Variants in ZBTB45 observed in about 807,000 individuals in gnomAD.
ZBTB45 encodes the protein zinc finger and BTB domain-containing protein 45.
Under a neutral mutation model 28.4 loss-of-function variants are expected in ZBTB45, and 22 were observed. The observed-to-expected ratio is 0.77, with a 90% CI of 0.55 to 1.10. The LOEUF (loss-of-function observed/expected upper bound fraction) is 1.10. Ranked by LOEUF, ZBTB45 falls within the 50% of genes least tolerant of loss-of-function variation. ZBTB45 has a pLI of 0.00. For missense variants in ZBTB45, 656 were observed against 750.2 expected, an observed-to-expected ratio of 0.87 and a Z score of 1.47; for synonymous variants, 361 against 332.3, an observed-to-expected ratio of 1.09 and a Z score of -0.94.
upstream of ZBTB45, chr19:58,520,031 G>C (rs2053565280): frequency 6.6e-6 from 1 of 152,324 alleles, no homozygotes; most frequent in Non-Finnish European, 1.5e-5. Context: ...AGGAGATCAG[G>C]GGTGTGGCGG....
Position 58,516,752 on chromosome 19 carries a change from C to T in ZBTB45, c.922G>A (p.Val308Ile). ...VPEGCPTETP[V>I]QPDCILSGSR... is the part of the protein sequence containing the mutation. ...CCAGACAGTATGCAGTCGGGCTGGA[C>T]AGGGGTCTCAGTGGGACAGCCTTCG... The change falls in exon 2 of 3, where the codon GTC becomes ATC. Residue 308 changes from valine (V) to isoleucine (I), a missense_variant. By Grantham distance (29) the Val-to-Ile change is conservative. Transcript: ENST00000594051. This position sits in a 1 kb window ranked among gnomAD's most constrained non-coding sequence, Gnocchi z 6.2. The T allele has an allele frequency of 6.2e-7, 1 of 1,612,830 alleles. No individual in the cohort carries two copies. Among genetic ancestry groups the T allele is most frequent in the Non-Finnish European group, 8.5e-7 (1 of 1,179,418 alleles).
At position 58,514,149 on chromosome 19, in the gene ZBTB45, G is replaced by A; in HGVS notation, c.1441C>T (p.His481Tyr). 6.2e-7 allele frequency: 1 copy of A among 1,608,116 alleles called. No homozygotes were observed. The highest frequency in any genetic ancestry group is 8.5e-7 in the Non-Finnish European group (1 of 1,177,578). The change falls in exon 3 of 3, where the codon CAC becomes TAC. Residue 481 changes from histidine (H) to tyrosine (Y), a missense_variant. This residue lies in a region of ZBTB45 where 103 missense variants were observed against 153.5 expected (regional missense o/e 0.67). Transcript: ENST00000594051. ...KSSLNVHMRTHRPERAPCPAC... is the reference protein window; with the variant it reads ...KSSLNVHMRTYRPERAPCPAC... ...GGGCAGGGCGCGCGCTCGGGCCGGTGAGTGCGCATGTGCACGTTGAGCGAG... is the reference window on the plus strand; with the variant it reads ...GGGCAGGGCGCGCGCTCGGGCCGGTAAGTGCGCATGTGCACGTTGAGCGAG...
chr19:58,529,462 T>C (rs113944469), intron 1 of ZBTB45, among the ~76,000 whole-genome samples: 1,604 of 152,298 alleles, frequency 0.011, 29 homozygotes, highest in African/African-American at 0.036. Flanking sequence ...ACACAGTGCC[T>C]TCTAGTATAG....
Position 58,516,813 on chromosome 19 carries a change from A to C in ZBTB45, c.861T>G (p.Tyr287Ter). The C allele has an allele frequency of 6.2e-7, 1 of 1,613,820 alleles. No homozygotes were observed. The change falls in exon 2 of 3, where the codon TAT becomes TAG. Residue 287 changes from tyrosine to a stop codon, truncating the protein, a stop_gained. Coordinates refer to ENST00000594051, the MANE Select transcript of ZBTB45 (RefSeq NM_001316979.2). LOFTEE classifies it high-confidence loss of function. The surrounding 1 kb of genome is among the most constrained non-coding windows in gnomAD (Gnocchi z 6.2). Reference sequence around the variant, plus strand: ...CATCCTCGTCGTGCCAAGTGGATACATAGCTGTCTGGAAATACGTCCTCAG... The same window carrying C: ...CATCCTCGTCGTGCCAAGTGGATACCTAGCTGTCTGGAAATACGTCCTCAG... ...GSAEDVFPDS[Y>*]VSTWHDEDGA...
intron 1 of ZBTB45, among the ~76,000 whole-genome samples, chr19:58,528,198 GGGTA>G (rs149179026): frequency 0.011 from 1,599 of 152,238 alleles, 29 homozygotes; most frequent in African/African-American, 0.036. Context: ...GAGAGGCCCT[GGGTA>G]CCACATAGCA....
rs766058800 is a variant in ZBTB45, at chr19:58,513,920, G to A, written c.*134C>T. 8 of 1,119,646 alleles carry A rather than the reference G, an allele frequency of 7.1e-6. No individual in the cohort carries two copies. Among genetic ancestry groups the A allele is most frequent in the Non-Finnish European group, 8.2e-6 (7 of 851,044 alleles). 69.4% of individuals were successfully genotyped at this position (1,119,646 alleles called of 1,614,324 possible). ...ACTTAGGCCCTGGTATGGAGAAAGGGTGAAGGGAGAGAGAGGACCTGCGCT... is the reference window on the plus strand; with the variant it reads ...ACTTAGGCCCTGGTATGGAGAAAGGATGAAGGGAGAGAGAGGACCTGCGCT... On this transcript the variant is annotated 3_prime_UTR_variant, in exon 3 of 3. Transcript: ENST00000594051.
At chr19:58,514,972 C>T (rs1480805675) in intron 2 of ZBTB45, among the ~76,000 whole-genome samples, 3 of 152,158 alleles carry the variant, frequency 2.0e-5, no homozygotes, top group African/African-American at 7.2e-5. Context: ...GCTCCTCATT[C>T]TGGGTTAGGG....
chr19:58,517,178 C>T lies in ZBTB45; in HGVS notation c.496G>A (p.Gly166Ser), dbSNP rs1202126183. 11 of 1,606,928 alleles carry T rather than the reference C, an allele frequency of 6.8e-6. No homozygotes were observed. The highest frequency in any genetic ancestry group is 1.1e-5 in the South Asian group (1 of 90,826). Residue 166 changes from glycine to serine, a missense_variant, in exon 2 of 3, where the codon GGT becomes AGT. This residue lies in a region of ZBTB45 where 448 missense variants were observed against 444.3 expected (regional missense o/e 1.01). Transcript: ENST00000594051. Reference protein sequence around the residue: ...LLAARPPGHPGAAHSRKQRQP... With the variant: ...LLAARPPGHPSAAHSRKQRQP... ...CGCTGCTTACGGCTGTGTGCAGCAC[C>T]GGGGTGCCCCGGGGGACGTGCAGCC...
chr19:58,536,499 C>T (rs1161240259), intron 1 of ZBTB45, among the ~76,000 whole-genome samples: 3 of 147,584 alleles, frequency 2.0e-5, no homozygotes, highest in African/African-American at 5.1e-5. Context: ...AAAAATTATC[C>T]GGGCGTGGTA....
chr19:58,533,506 G>A (rs1396260128), intron 1 of ZBTB45, among the ~76,000 whole-genome samples: 1 of 152,182 alleles, frequency 6.6e-6, no homozygotes, highest in African/African-American at 2.4e-5. Context: ...GAAACTGGAA[G>A]AAGCAAGGAA....
rs1159322003 is a variant in ZBTB45 at position 58,517,213 on chromosome 19, CGCAGGCGGT to C, written c.452_460del (p.His151_Leu153del). The C allele has an allele frequency of 6.2e-7, 1 of 1,601,484 alleles. No individual in the cohort carries two copies. Among genetic ancestry groups the C allele is most frequent in the Admixed American group, 1.7e-5 (1 of 59,552 alleles). On this transcript the variant is annotated inframe_deletion, in exon 2 of 3. Transcript: ENST00000594051. Reference sequence around the variant, plus strand: ...CGGGGGACGTGCAGCCAGCAGGTGGCGCAGGCGGTGACGCAGCTGCGCAGGTGCGAGTGG... The same window carrying C: ...CGGGGGACGTGCAGCCAGCAGGTGGCGACGCAGCTGCGCAGGTGCGAGTGG...
chr19:58,538,760 C>T (rs1254750474), exon 1 of ZBTB45: 1 of 152,342 alleles, frequency 6.6e-6, no homozygotes, highest in Non-Finnish European at 1.5e-5. Flanking sequence ...GTCCTCGCGG[C>T]CTCCAAACAT....
At chr19:58,530,097 G>T (rs546357714) in intron 1 of ZBTB45, among the ~76,000 whole-genome samples, 6 of 152,078 alleles carry the variant, frequency 3.9e-5, no homozygotes, top group South Asian at 2.1e-4. Flanking sequence ...CAGCTACTTG[G>T]GTAGGCTGAG....
chr19:58,516,759 C>T lies in ZBTB45; in HGVS notation c.915G>A (p.Glu305=). 3 of 1,613,242 alleles carry T rather than the reference C, an allele frequency of 1.9e-6. No individual in the cohort carries two copies. Among genetic ancestry groups the T allele is most frequent in the Non-Finnish European group, 2.5e-6 (3 of 1,179,638 alleles). ...DGAVPEGCPT[E]TPVQPDCILS... ...GTATGCAGTCGGGCTGGACAGGGGT[C>T]TCAGTGGGACAGCCTTCGGGGACAG... The change falls in exon 2 of 3, where the codon GAG becomes GAA. Residue 305 remains glutamate (E), a synonymous_variant. Coordinates refer to ENST00000594051, the MANE Select transcript of ZBTB45 (RefSeq NM_001316979.2). The surrounding 1 kb of genome is among the most constrained non-coding windows in gnomAD (Gnocchi z 6.2).
Position 58,516,006 on chromosome 19 carries a change from G to A in ZBTB45, c.1279+389C>T, listed in dbSNP as rs904874995. On this transcript the variant is annotated intron_variant, in intron 2 of 2. Coordinates refer to ENST00000594051, the MANE Select transcript of ZBTB45 (RefSeq NM_001316979.2). The surrounding 1 kb of genome is among the most constrained non-coding windows in gnomAD (Gnocchi z 6.2). ...TCCTCCCTTGCTGCCAGCCTATAAC[G>A]GGACAGCTGGAAACCAGAGAGACAC... Among the ~76,000 whole-genome samples, 6 of 152,076 alleles carry A rather than the reference G, an allele frequency of 3.9e-5. No individual in the cohort carries two copies. The highest frequency in any genetic ancestry group is 1.2e-4 in the African/African-American group (5 of 41,376).
chr19:58,524,394 T>C (rs796656863), upstream of ZBTB45, among the ~76,000 whole-genome samples: 24 of 47,624 alleles, frequency 5.0e-4, no homozygotes, highest in East Asian at 0.015. Context: ...ATAAAAAGAA[T>C]GTGTATATAT....
chr19:58,531,778 C>T (rs910108165), intron 1 of ZBTB45, among the ~76,000 whole-genome samples: 4 of 152,152 alleles, frequency 2.6e-5, no homozygotes, highest in Non-Finnish European at 5.9e-5. Flanking sequence ...CAGCCGATGA[C>T]GGTCACTGTT....
At chr19:58,537,130 A>T (rs1345770673) in intron 1 of ZBTB45, among the ~76,000 whole-genome samples, 5 of 151,996 alleles carry the variant, frequency 3.3e-5, no homozygotes. Flanking sequence ...CAATCCTAGG[A>T]AGCCCCACTC....
In ZBTB45 at chr19:58,517,123, G is replaced by T; in HGVS notation, c.551C>A (p.Pro184His). The change falls in exon 2 of 3, where the codon CCC (proline) becomes CAC (histidine). Residue 184 changes from proline (P) to histidine (H), a missense_variant. By Grantham distance (77) the Pro-to-His change is moderately conservative. Transcript: ENST00000594051. ...RQPARLQLPA[P>H]PTPAKAEGPD... ...CCCCTCAGCCTTGGCAGGTGTTGGG[G>T]GCGCTGGCAGCTGCAAACGCGCGGG... The T allele has an allele frequency of 3.1e-6, 5 of 1,612,822 alleles. No individual in the cohort carries two copies. The highest frequency in any genetic ancestry group is 4.2e-6 in the Non-Finnish European group (5 of 1,179,828).
Sources: gnomAD v4.1 joint callset for allele counts (sites outside exome capture counted in the v4.1 genomes callset) on GRCh38, gnomAD v4.1.1 for gene constraint, gnomAD v4.1.1 regional missense constraint, Gnocchi (gnomAD v3.1) non-coding constraint, MANE v1.5 for transcripts, NCBI Gene and HGNC (gene_info 2026-07-23, HGNC 2026-07-21) for gene names.